The following HIVEP2 variants were observed in gnomAD, a reference collection of about 807,000 sequenced individuals.
The protein encoded by HIVEP2 is HIVEP zinc finger 2.
A neutral mutation model predicts 180.7 loss-of-function variants in HIVEP2; 14 were observed. The ratio of observed to expected loss-of-function variants is 0.08; its 90% CI spans 0.05 to 0.12. The LOEUF is 0.12. HIVEP2 is among the 10% of genes least tolerant of loss of function. The pLI, the probability that HIVEP2 is intolerant of heterozygous loss-of-function variation, is 1.00. For synonymous variants in HIVEP2, 1,184 were observed against 1,136.4 expected (o/e 1.04, Z -0.84); for missense variants, 2,579 against 3,008.5 (o/e 0.86, Z 3.34).
chr6:142,855,717 C>T (rs1582915973), intron 1 of HIVEP2, among the ~76,000 whole-genome samples: 1 of 152,270 alleles, frequency 6.6e-6, no homozygotes, highest in Admixed American at 6.5e-5. Context: ...TTATGCAGTG[C>T]TTCTGTTCAT....
Position 142,768,513 on chromosome 6 carries a change from T to G in HIVEP2, c.5211A>C (p.Leu1737Phe). 1 of 1,613,368 alleles carries G rather than the reference T, an allele frequency of 6.2e-7. No homozygotes were observed. The highest frequency in any genetic ancestry group is 8.5e-7 in the Non-Finnish European group (1 of 1,179,678). Residue 1737 changes from leucine to phenylalanine, a missense_variant, in exon 6 of 10, where the codon TTA becomes TTC. Leu to Phe is a conservative substitution (Grantham distance 22). Coordinates refer to ENST00000367603, the MANE Select transcript of HIVEP2 (RefSeq NM_006734.4). ...GTTTCCTTTCTAGTTTGCTGCCAAA[T>G]AAAAAGGACGCATCAGGTTTCATCT... is the stretch of plus-strand genomic sequence containing the variant. ...FTQMKPDASFLFGSKLERKLV... is the reference protein window; with the variant it reads ...FTQMKPDASFFFGSKLERKLV...
At chr6:142,784,111 A>G (rs1392893559) in intron 2 of HIVEP2, among the ~76,000 whole-genome samples, 1 of 152,224 alleles carries the variant, frequency 6.6e-6, no homozygotes, top group East Asian at 1.9e-4. Flanking sequence ...TTAAAAGTCT[A>G]GTAAGTAATG....
chr6:142,819,321 G>A (rs143277398), intron 2 of HIVEP2, among the ~76,000 whole-genome samples: 2 of 152,282 alleles, frequency 1.3e-5, no homozygotes, highest in East Asian at 1.9e-4. Flanking sequence ...GTTGCAAAAT[G>A]TTGTGTCTAT....
At chr6:142,849,979 A>C (rs1775609513) in intron 1 of HIVEP2, among the ~76,000 whole-genome samples, 1 of 152,242 alleles carries the variant, frequency 6.6e-6, no homozygotes, top group Admixed American at 6.5e-5. Flanking sequence ...GAAAAAATTA[A>C]ATGATAAACA....
chr6:142,777,302 T>C (rs540422843), intron 3 of HIVEP2, among the ~76,000 whole-genome samples: 21 of 152,230 alleles, frequency 1.4e-4, no homozygotes, highest in African/African-American at 3.9e-4. Context: ...AGTACCAATA[T>C]AGAAACTTGT....
intron 1 of HIVEP2, among the ~76,000 whole-genome samples, chr6:142,845,741 C>T (rs936614692): frequency 6.6e-6 from 1 of 152,236 alleles, no homozygotes. Flanking sequence ...GGAAGCTGTT[C>T]AACTCGCCGG....
chr6:142,831,913 C>T (rs1775094559), intron 2 of HIVEP2, among the ~76,000 whole-genome samples: 1 of 152,050 alleles, frequency 6.6e-6, no homozygotes, highest in Non-Finnish European at 1.5e-5. Flanking sequence ...GAAACTTGGC[C>T]AGGTGCAGTG....
chr6:142,766,312 T>G (rs1775378974), intron 6 of HIVEP2, among the ~76,000 whole-genome samples: 1 of 152,226 alleles, frequency 6.6e-6, no homozygotes, highest in Non-Finnish European at 1.5e-5. Context: ...TTGCATGTCT[T>G]CCGTTCCTTT....
rs772803795 is a variant in HIVEP2, at chr6:142,760,422, C to A, written c.5866G>T (p.Gly1956Trp). 6.2e-7 allele frequency: 1 copy of A among 1,613,996 alleles called. No individual in the cohort carries two copies. ...CCCAGGGAACTATCTGAAGGAACCC[C>A]GTGGGGTACGGCGCCAACATTCACA... ...LPVNVGAVPHGVPSDSSLGHS... is the reference protein window; with the variant it reads ...LPVNVGAVPHWVPSDSSLGHS... The change falls in exon 9 of 10, where the codon GGG becomes TGG. Residue 1956 changes from glycine to tryptophan, a missense_variant. Gly to Trp is a radical substitution (Grantham distance 184). This residue lies in a region of HIVEP2 where 660 missense variants were observed against 731.7 expected (regional missense o/e 0.90). Transcript: ENST00000367603.
intron 2 of HIVEP2, among the ~76,000 whole-genome samples, chr6:142,813,541 A>G (rs955074032): frequency 2.0e-5 from 3 of 150,088 alleles, no homozygotes; most frequent in Non-Finnish European, 4.4e-5. Flanking sequence ...GATATAAGAC[A>G]TTATGTCTGG....
chr6:142,769,363 G>A (rs1046315665), intron 5 of HIVEP2, among the ~76,000 whole-genome samples, 189 bp downstream of exon 5: 3 of 152,160 alleles, frequency 2.0e-5, no homozygotes, highest in Non-Finnish European at 4.4e-5. Flanking sequence ...GACCATGCCT[G>A]AGACCTCAGA....
chr6:142,877,801 G>C (rs1412257196), intron 1 of HIVEP2, among the ~76,000 whole-genome samples: 1 of 152,186 alleles, frequency 6.6e-6, no homozygotes, highest in Non-Finnish European at 1.5e-5. Context: ...TGGTACAAGG[G>C]AGTGAGGTAC....
chr6:142,828,214 T>G (rs893062726), intron 2 of HIVEP2, among the ~76,000 whole-genome samples: 1 of 152,204 alleles, frequency 6.6e-6, no homozygotes, highest in African/African-American at 2.4e-5. Flanking sequence ...TCCTCCTCCC[T>G]TAGCTTCCTT....
chr6:142,824,071 T>A (rs1777113767), intron 2 of HIVEP2, among the ~76,000 whole-genome samples: 1 of 152,216 alleles, frequency 6.6e-6, no homozygotes, highest in South Asian at 2.1e-4. Flanking sequence ...ATATTTTGTA[T>A]ATGTTGAATA....
chr6:142,792,590 T>C (rs1053118017), intron 2 of HIVEP2, among the ~76,000 whole-genome samples: 3 of 152,014 alleles, frequency 2.0e-5, no homozygotes, highest in Admixed American at 6.6e-5. Flanking sequence ...GGGAGAGCAT[T>C]AGGACAAATA....
intron 1 of HIVEP2, among the ~76,000 whole-genome samples, chr6:142,897,485 T>A (rs1255742796): frequency 6.6e-6 from 1 of 152,178 alleles, no homozygotes; most frequent in Admixed American, 6.5e-5. Flanking sequence ...AACGAAGAGA[T>A]TATAGCACAT....
At chr6:142,892,503 C>T (rs1410301025) in intron 1 of HIVEP2, among the ~76,000 whole-genome samples, 1 of 152,118 alleles carries the variant, frequency 6.6e-6, no homozygotes, top group East Asian at 1.9e-4. Flanking sequence ...GCTAGTGGTT[C>T]TTAAAGGGAC....
At chr6:142,793,427 A>C (rs1562521033) in intron 2 of HIVEP2, among the ~76,000 whole-genome samples, 1 of 152,144 alleles carries the variant, frequency 6.6e-6, no homozygotes, top group Non-Finnish European at 1.5e-5. Context: ...TAATTTAACA[A>C]AGGAAATTGA....
intron 2 of HIVEP2, among the ~76,000 whole-genome samples, chr6:142,794,918 A>AT (rs1216178859): frequency 6.6e-6 from 1 of 152,176 alleles, no homozygotes; most frequent in Non-Finnish European, 1.5e-5. Context: ...TGTTACTCCA[A>AT]TTTTAAACAA....
Sources: allele counts gnomAD v4.1 joint callset (sites outside exome capture counted in the v4.1 genomes callset), GRCh38; gene constraint gnomAD v4.1.1; regional missense constraint gnomAD v4.1.1; transcripts MANE v1.5; gene names NCBI Gene and HGNC (gene_info 2026-07-23, HGNC 2026-07-21).